PIP4K2A: variants seen among roughly 807,000 people sequenced by gnomAD.
The protein encoded by PIP4K2A is phosphatidylinositol 5-phosphate 4-kinase type-2 alpha.
In PIP4K2A, 14 loss-of-function variants were observed where a neutral mutation model predicts 42.9. That is an observed-to-expected ratio of 0.33 (90% CI 0.22 to 0.51). The LOEUF is 0.51. Among genes scored for constraint, PIP4K2A ranks in the 20% least tolerant of loss-of-function variants. The pLI is 0.97. For missense variants in PIP4K2A, 434 were observed against 519.8 expected (o/e 0.83, Z 1.61); for synonymous variants, 192 against 192.2 (o/e 1.00, Z 0.01).
At chr10:22,656,086 C>T (rs1469546580) in intron 1 of PIP4K2A, among the ~76,000 whole-genome samples, 1 of 152,170 alleles carries the variant, frequency 6.6e-6, no homozygotes, top group Non-Finnish European at 1.5e-5. Flanking sequence ...TGCTGCCATC[C>T]TCCTCTCAAC....
intron 4 of PIP4K2A, among the ~76,000 whole-genome samples, chr10:22,579,552 A>C (rs1201187421): frequency 6.6e-6 from 1 of 152,182 alleles, no homozygotes; most frequent in Non-Finnish European, 1.5e-5. Flanking sequence ...ATCTTTGGGC[A>C]TAACACTGCT....
In PIP4K2A at chr10:22,567,559, T is replaced by C. The variant is rs998673244; in HGVS notation, c.678+292A>G. On this transcript the variant is annotated intron_variant, in intron 6 of 9. Coordinates refer to ENST00000376573, the MANE Select transcript of PIP4K2A (RefSeq NM_005028.5). ...TCTCAGCTGTCAGTGCCATTTTCGA[T>C]TATAGGTTTACTGCACAGGTGGCTG... The C allele has an allele frequency of 4.8e-6, 3 of 629,850 alleles. No homozygotes were observed. In the African/African-American group the frequency reaches 5.4e-5, roughly 11 times the overall value. 39.0% of individuals were successfully genotyped at this position (629,850 alleles called of 1,614,324 possible). A position where few individuals can be genotyped will look rare whatever the true frequency, so the allele number is the denominator to read the frequency against.
At chr10:22,682,292 ACT>A (rs1381447789) in intron 1 of PIP4K2A, among the ~76,000 whole-genome samples, 1 of 152,190 alleles carries the variant, frequency 6.6e-6, no homozygotes, top group East Asian at 1.9e-4. Context: ...TATTTCAACT[ACT>A]GTTTCTTTTT....
intron 1 of PIP4K2A, among the ~76,000 whole-genome samples, chr10:22,631,399 C>CA (rs1467717807): frequency 6.6e-6 from 1 of 152,124 alleles, no homozygotes; most frequent in Non-Finnish European, 1.5e-5. Context: ...TCAATGCCCC[C>CA]ATCCCCAGCC....
chr10:22,661,229 G>A (rs1359510836), intron 1 of PIP4K2A, among the ~76,000 whole-genome samples: 1 of 152,062 alleles, frequency 6.6e-6, no homozygotes, highest in Non-Finnish European at 1.5e-5. Flanking sequence ...AACTCCAAGT[G>A]CCTAAACATT....
chr10:22,664,260 TACAC>T (rs1373982645), intron 1 of PIP4K2A, among the ~76,000 whole-genome samples: 68 of 138,902 alleles, frequency 4.9e-4, no homozygotes, highest in Non-Finnish European at 8.9e-4. Context: ...CATATATATA[TACAC>T]ACACATACAC....
intron 1 of PIP4K2A, among the ~76,000 whole-genome samples, chr10:22,709,030 T>C (rs991409043): frequency 6.6e-6 from 1 of 152,046 alleles, no homozygotes; most frequent in African/African-American, 2.4e-5. Flanking sequence ...GCAATCCTCC[T>C]GCCTCAGCCT....
intron 1 of PIP4K2A, among the ~76,000 whole-genome samples, chr10:22,628,915 T>C (rs1838498169): frequency 6.6e-6 from 1 of 152,166 alleles, no homozygotes; most frequent in Admixed American, 6.5e-5. Context: ...GGGAAAATGG[T>C]AGAATGAGGC....
intron 1 of PIP4K2A, among the ~76,000 whole-genome samples, chr10:22,701,318 C>T (rs772774667): frequency 6.6e-6 from 1 of 152,200 alleles, no homozygotes; most frequent in Non-Finnish European, 1.5e-5. Context: ...CCAAATCCAG[C>T]TGATTCTACC....
intron 6 of PIP4K2A, among the ~76,000 whole-genome samples, chr10:22,554,774 G>A (rs957034825): frequency 1.3e-5 from 2 of 152,208 alleles, no homozygotes; most frequent in African/African-American, 2.4e-5. Flanking sequence ...GGGAGGGGAC[G>A]AGGGTATGGG....
chr10:22,648,407 T>A (rs1463520118), intron 1 of PIP4K2A, among the ~76,000 whole-genome samples: 1 of 152,240 alleles, frequency 6.6e-6, no homozygotes, highest in Non-Finnish European at 1.5e-5. Context: ...AGAGGAAAAG[T>A]AATCTGAAGA....
At chr10:22,615,963 C>A (rs879421855) in intron 1 of PIP4K2A, among the ~76,000 whole-genome samples, 10 of 152,194 alleles carry the variant, frequency 6.6e-5, no homozygotes, top group Non-Finnish European at 1.3e-4. Flanking sequence ...CTTCTTGTTC[C>A]TGTTTATGCC....
chr10:22,580,886 C>A (rs1020073436), intron 4 of PIP4K2A, among the ~76,000 whole-genome samples: 1 of 152,198 alleles, frequency 6.6e-6, no homozygotes, highest in African/African-American at 2.4e-5. Context: ...TTTACAGACT[C>A]GACAGGTGCA....
chr10:22,657,542 A>G (rs559142711), intron 1 of PIP4K2A, among the ~76,000 whole-genome samples: 4 of 152,314 alleles, frequency 2.6e-5, no homozygotes, highest in African/African-American at 9.6e-5. Context: ...TCAACTCCCT[A>G]TTCCAAAGCA....
intron 1 of PIP4K2A, among the ~76,000 whole-genome samples, chr10:22,612,330 G>T (rs145614313): frequency 3.7e-4 from 57 of 152,330 alleles, no homozygotes; most frequent in African/African-American, 1.4e-3. Context: ...TGGGCTACGA[G>T]CAAGTATGGA....
intron 1 of PIP4K2A, among the ~76,000 whole-genome samples, chr10:22,654,216 T>C (rs1588687802): frequency 6.6e-6 from 1 of 152,222 alleles, no homozygotes; most frequent in Admixed American, 6.5e-5. Context: ...AATCTCATAA[T>C]TTTTAAAAAT....
At chr10:22,602,300 G>A (rs572768302) in intron 3 of PIP4K2A, among the ~76,000 whole-genome samples, 1 of 151,834 alleles carries the variant, frequency 6.6e-6, no homozygotes, top group African/African-American at 2.4e-5. Context: ...GGCTGAAGTG[G>A]CAGGATCGAT....
intron 1 of PIP4K2A, among the ~76,000 whole-genome samples, chr10:22,679,904 T>C (rs1839627553): frequency 6.6e-6 from 1 of 152,084 alleles, no homozygotes; most frequent in Admixed American, 6.6e-5. Flanking sequence ...TAGGTTTCTT[T>C]TAGAGAGGAT....
chr10:22,686,986 C>T (rs1839777121), intron 1 of PIP4K2A, among the ~76,000 whole-genome samples: 1 of 152,116 alleles, frequency 6.6e-6, no homozygotes, highest in Non-Finnish European at 1.5e-5. Context: ...AGTTACTTAG[C>T]ACATACATGC....
Sources: allele counts gnomAD v4.1 joint callset (sites outside exome capture counted in the v4.1 genomes callset), GRCh38; gene constraint gnomAD v4.1.1; transcripts MANE v1.5; gene names NCBI Gene and HGNC (gene_info 2026-07-23, HGNC 2026-07-21).